ATP6V1C2: variants seen among roughly 807,000 people sequenced by gnomAD.
ATP6V1C2 encodes the protein V-type proton ATPase subunit C 2.
Under a neutral mutation model 56.8 loss-of-function variants are expected in ATP6V1C2, and 45 were observed. That is an observed-to-expected ratio of 0.79 (90% confidence interval 0.62 to 1.02). ATP6V1C2 has a LOEUF of 1.02. Among genes scored for constraint, ATP6V1C2 ranks in the 50% least tolerant of loss-of-function variants. ATP6V1C2 has a pLI of 0.00. For synonymous variants in ATP6V1C2, 220 were observed against 201.3 expected, an observed-to-expected ratio of 1.09 and a Z score of -0.79; for missense variants, 463 against 519.7, an observed-to-expected ratio of 0.89 and a Z score of 1.06.
At chr2:10,768,892 C>T in intron 6 of ATP6V1C2, 82 bp downstream of exon 6, 1 of 1,118,220 alleles carries the variant, frequency 8.9e-7, no homozygotes. Context: ...CACTGGGCCA[C>T]CTGGGAGTCT....
chr2:10,775,489 G>A (rs568803904), intron 10 of ATP6V1C2, among the ~76,000 whole-genome samples: 1 of 152,314 alleles, frequency 6.6e-6, no homozygotes, highest in African/African-American at 2.4e-5. Flanking sequence ...TGTGCAGGGT[G>A]GGCAGTGCTG....
chr2:10,762,805 C>T (rs1160942092), intron 4 of ATP6V1C2, among the ~76,000 whole-genome samples: 34 of 152,162 alleles, frequency 2.2e-4, no homozygotes, highest in Admixed American at 2.2e-3. Context: ...GCGTCATTGC[C>T]TTGCACCCTG....
chr2:10,764,525 TG>T, intron 5 of ATP6V1C2, 100 bp downstream of exon 5: 1 of 989,204 alleles, frequency 1.0e-6, no homozygotes, highest in South Asian at 1.4e-5. Context: ...CTGTCCTGAC[TG>T]GGCCTCTGGG....
intron 5 of ATP6V1C2, 130 bp from the exon 6 acceptor site, chr2:10,768,589 G>A (rs1435637502): frequency 2.7e-6 from 2 of 742,228 alleles, no homozygotes; most frequent in South Asian, 1.7e-5. Flanking sequence ...GTAAACAGAA[G>A]CCATCCCAGC....
At chr2:10,764,226 T>C in intron 4 of ATP6V1C2, 105 bp from the exon 5 acceptor site, 1 of 1,018,968 alleles carries the variant, frequency 9.8e-7, no homozygotes, top group Admixed American at 1.9e-5. Flanking sequence ...TTGCCCATGA[T>C]GGCTGCCTTC....
intron 10 of ATP6V1C2, among the ~76,000 whole-genome samples, chr2:10,777,340 C>G (rs1395640892): frequency 6.6e-6 from 1 of 152,164 alleles, no homozygotes; most frequent in Non-Finnish European, 1.5e-5. Context: ...ACCCCTCTGC[C>G]AGAGATCGGC....
intron 4 of ATP6V1C2, among the ~76,000 whole-genome samples, chr2:10,759,804 A>T (rs1210482306): frequency 7.9e-5 from 12 of 152,088 alleles, no homozygotes; most frequent in Admixed American, 7.9e-4. Context: ...TAGTCAAAGG[A>T]GACTCCTCTA....
intron 10 of ATP6V1C2, among the ~76,000 whole-genome samples, chr2:10,777,281 C>T (rs965090315): frequency 4.6e-5 from 7 of 152,318 alleles, no homozygotes; most frequent in Admixed American, 2.0e-4. Context: ...GGTCGGCCTG[C>T]GATGGGGGTC....
Position 10,778,613 on chromosome 2 carries a change from CTTCAT to C in ATP6V1C2, c.1007_1011del (p.Phe336CysfsTer33), listed in dbSNP as rs765001308. 4 of 1,614,118 alleles carry C rather than the reference CTTCAT, an allele frequency of 2.5e-6. No individual in the cohort carries two copies. On this transcript the variant is annotated frameshift_variant, in exon 12 of 14. Transcript: ENST00000272238. LOFTEE classifies it high-confidence loss of function. ...GGCTCAAGGTGAACTTCAGTGAAGC[CTTCAT>C]TGCCTGGATCCACATCAAGGCCCTG...
At chr2:10,737,384 C>T (rs895098203) in intron 3 of ATP6V1C2, among the ~76,000 whole-genome samples, 5 of 148,240 alleles carry the variant, frequency 3.4e-5, no homozygotes, top group African/African-American at 1.2e-4. Flanking sequence ...GATCACGCCA[C>T]TGTACTCCAG....
At position 10,761,437 on chromosome 2, in the gene ATP6V1C2, C is replaced by T. The variant is rs561802774; in HGVS notation, c.284-2894C>T. Among the ~76,000 whole-genome samples the T allele has an allele frequency of 2.6e-5, 4 of 152,236 alleles. No homozygotes were observed. In the South Asian group the frequency reaches 8.3e-4, roughly 32 times the overall value. Reference sequence around the variant, plus strand: ...AGTCCCCGCCATCCTCCTGGTTACCCTCTGACCACTCCCTGCTCTTACTTC... The same window carrying T: ...AGTCCCCGCCATCCTCCTGGTTACCTTCTGACCACTCCCTGCTCTTACTTC... On this transcript the variant is annotated intron_variant, in intron 4 of 13. Coordinates refer to ENST00000272238, the MANE Select transcript of ATP6V1C2 (RefSeq NM_001039362.2).
intron 2 of ATP6V1C2, 140 bp downstream of exon 2, chr2:10,723,118 G>A: frequency 1.9e-6 from 2 of 1,045,920 alleles, no homozygotes; most frequent in Admixed American, 2.6e-5. Context: ...GAGGTTTGAG[G>A]ATGGACGGGG....
At chr2:10,744,302 C>A (rs1272943421) in intron 3 of ATP6V1C2, 2 of 152,206 alleles carry the variant, frequency 1.3e-5, no homozygotes, top group Admixed American at 1.3e-4. Flanking sequence ...GAGGCTGTAC[C>A]AATCAACACC....
chr2:10,751,513 A>C (rs1663212934), intron 3 of ATP6V1C2, among the ~76,000 whole-genome samples: 1 of 152,144 alleles, frequency 6.6e-6, no homozygotes, highest in African/African-American at 2.4e-5. Context: ...GACGCTATTA[A>C]CTACTGTTCT....
At chr2:10,770,296 G>T (rs550171538) in intron 6 of ATP6V1C2, among the ~76,000 whole-genome samples, 2 of 152,316 alleles carry the variant, frequency 1.3e-5, no homozygotes, top group African/African-American at 4.8e-5. Context: ...TACTCGGGAG[G>T]CTGAGGCAGG....
intron 3 of ATP6V1C2, among the ~76,000 whole-genome samples, chr2:10,747,252 G>C (rs938045137): frequency 2.6e-5 from 4 of 152,090 alleles, no homozygotes; most frequent in African/African-American, 9.7e-5. Flanking sequence ...TGGGCAACAA[G>C]AGTGAAACTC....
chr2:10,747,294 G>T (rs1662971593), intron 3 of ATP6V1C2, among the ~76,000 whole-genome samples: 1 of 151,960 alleles, frequency 6.6e-6, no homozygotes. Flanking sequence ...AAAAAGAAAA[G>T]AATTCTCATA....
rs371571137 is a variant in ATP6V1C2, at chr2:10,752,071, AAAC to A, written c.198-1898_198-1896del. Among the ~76,000 whole-genome samples, 133 of 152,054 alleles carry A rather than the reference AAAC, an allele frequency of 8.7e-4. 1 individual carries two copies. Among genetic ancestry groups the A allele is most frequent in the African/African-American group, 2.4e-3 (99 of 41,490 alleles). On this transcript the variant is annotated intron_variant, in intron 3 of 13. Coordinates refer to ENST00000272238, the MANE Select transcript of ATP6V1C2 (RefSeq NM_001039362.2). ...AGAGTGACATCCTGCCTCAAAAAAA[AAAC>A]AACAACAACAAAAAAACCTTAACTC...
At chr2:10,778,419 C>T (rs993206938) in intron 11 of ATP6V1C2, 153 bp from the exon 12 acceptor site, 5 of 685,744 alleles carry the variant, frequency 7.3e-6, no homozygotes, top group African/African-American at 1.8e-5. Context: ...GGTCCTGAGC[C>T]TGACCCAGGG....
Sources: allele counts gnomAD v4.1 joint callset (sites outside exome capture counted in the v4.1 genomes callset), GRCh38; gene constraint gnomAD v4.1.1; transcripts MANE v1.5; gene names NCBI Gene and HGNC (gene_info 2026-07-23, HGNC 2026-07-21).